The following SNX29 variants were observed in gnomAD, a reference collection of about 807,000 sequenced individuals.
SNX29 encodes the protein sorting nexin 29.
SNX29 carries 78 observed loss-of-function variants against 102.1 expected under a neutral mutation model. The ratio of observed to expected loss-of-function variants is 0.76; its 90% CI spans 0.64 to 0.92. The LOEUF is 0.92. SNX29 is among the 40% of genes least tolerant of loss of function. The pLI is 0.00. For missense variants in SNX29, 1,280 were observed against 1,061.7 expected, an observed-to-expected ratio of 1.21 and a Z score of -2.86; for synonymous variants, 580 against 414.5, an observed-to-expected ratio of 1.40 and a Z score of -4.85.
intron 13 of SNX29, among the ~76,000 whole-genome samples, chr16:12,173,332 G>A (rs2076191046): frequency 6.6e-6 from 1 of 152,230 alleles, no homozygotes; most frequent in African/African-American, 2.4e-5. Context: ...ACTTGACTCT[G>A]TTTTAGTTGG....
intron 19 of SNX29, among the ~76,000 whole-genome samples, chr16:12,490,397 C>G (rs1053169526): frequency 6.6e-6 from 1 of 152,202 alleles, no homozygotes; most frequent in Non-Finnish European, 1.5e-5. Context: ...ATTTTCATTG[C>G]TCTGTAATAG....
intron 18 of SNX29, among the ~76,000 whole-genome samples, chr16:12,458,043 G>A (rs2151741756): frequency 6.6e-6 from 1 of 152,162 alleles, no homozygotes; most frequent in East Asian, 1.9e-4. Context: ...TAAATTGGAT[G>A]CTTTTCAAAG....
intron 19 of SNX29, among the ~76,000 whole-genome samples, chr16:12,503,112 C>T (rs1330447048): frequency 1.3e-5 from 2 of 152,174 alleles, no homozygotes; most frequent in African/African-American, 2.4e-5. Context: ...CCACCACCCC[C>T]ACCCCCAGGG....
At chr16:12,446,284 G>T (rs558916486) in intron 18 of SNX29, among the ~76,000 whole-genome samples, 4 of 152,254 alleles carry the variant, frequency 2.6e-5, no homozygotes, top group Non-Finnish European at 1.5e-5. Flanking sequence ...TCGAACTCCT[G>T]ACCTCAAGTG....
At chr16:12,112,860 G>T (rs183009) in intron 11 of SNX29, among the ~76,000 whole-genome samples, 19,978 of 152,124 alleles carry the variant, frequency 0.13, 2,036 homozygotes, top group African/African-American at 0.29. Context: ...TCTTCCTGCC[G>T]GAGGAGGATG....
At chr16:12,309,650 A>AT (rs2080464706) in intron 15 of SNX29, among the ~76,000 whole-genome samples, 2 of 152,184 alleles carry the variant, frequency 1.3e-5, no homozygotes, top group African/African-American at 2.4e-5. Flanking sequence ...TGGTGAAGGA[A>AT]TGGGTGCCCA....
At chr16:12,195,982 T>G (rs973412806) in intron 13 of SNX29, among the ~76,000 whole-genome samples, 1 of 149,274 alleles carries the variant, frequency 6.7e-6, no homozygotes, top group African/African-American at 2.4e-5. Flanking sequence ...TCAGTTTCTT[T>G]TCCTTTTTTT....
At chr16:12,548,510 C>G (rs763622089) in intron 20 of SNX29, among the ~76,000 whole-genome samples, 3 of 152,188 alleles carry the variant, frequency 2.0e-5, no homozygotes, top group Non-Finnish European at 2.9e-5. Flanking sequence ...CTTGTCTGGA[C>G]CAGATGCTTT....
In SNX29 at chr16:12,560,168, CTTT is replaced by C. The variant is rs779079143; in HGVS notation, c.2319-8332_2319-8330del. On this transcript the variant is annotated intron_variant, in intron 20 of 20. Transcript: ENST00000566228. The stretch of plus-strand genomic sequence containing the variant: ...CCAACAAACAGTAAAGCCTTTCTCA[CTTT>C]TTTTTAATTCACCATTTAACTTGTG... Among the ~76,000 whole-genome samples, 1,297 of 140,990 alleles carry C rather than the reference CTTT, an allele frequency of 9.2e-3. 21 individuals carry two copies. The highest frequency in any genetic ancestry group is 0.034 in the African/African-American group (1,239 of 36,838). 92.5% of individuals were successfully genotyped at this position (140,990 alleles called of 152,430 possible). A position where few individuals can be genotyped will look rare whatever the true frequency, so the allele number is the denominator to read the frequency against.
chr16:12,424,495 AC>A (rs2084981582), intron 18 of SNX29, among the ~76,000 whole-genome samples: 1 of 152,160 alleles, frequency 6.6e-6, no homozygotes, highest in East Asian at 1.9e-4. Context: ...ATGGTAAGCA[AC>A]CTGCTTTGAG....
chr16:12,547,330 T>TA (rs772529621), intron 20 of SNX29, among the ~76,000 whole-genome samples: 1 of 152,180 alleles, frequency 6.6e-6, no homozygotes, highest in Non-Finnish European at 1.5e-5. Context: ...CAGAGAGGCC[T>TA]TGCAGCCAAG....
Position 12,444,852 on chromosome 16 carries a change from T to G in SNX29, c.2038-32867T>G, listed in dbSNP as rs529143470. Among the ~76,000 whole-genome samples, 17 of 150,352 alleles carry G rather than the reference T, an allele frequency of 1.1e-4. No homozygotes were observed. In the South Asian group the frequency reaches 2.4e-3, roughly 21 times the overall value. On this transcript the variant is annotated intron_variant, in intron 18 of 20. Coordinates refer to ENST00000566228, the MANE Select transcript of SNX29 (RefSeq NM_032167.5). ...ACAGTGTTTTTTTTTGTTTTTTTTTTTTTTTGAGACAGAGTCTCACTCTGA... is the reference window on the plus strand; with the variant it reads ...ACAGTGTTTTTTTTTGTTTTTTTTTGTTTTTGAGACAGAGTCTCACTCTGA...
intron 10 of SNX29, among the ~76,000 whole-genome samples, chr16:12,070,342 A>G (rs1374987133): frequency 9.9e-6 from 1 of 100,506 alleles, no homozygotes; most frequent in Non-Finnish European, 1.9e-5. Context: ...CCCACCCCAC[A>G]ACAGTCCCCA....
chr16:12,356,517 T>G (rs1276953346), intron 16 of SNX29, among the ~76,000 whole-genome samples: 1 of 152,240 alleles, frequency 6.6e-6, no homozygotes, highest in Non-Finnish European at 1.5e-5. Flanking sequence ...TAGTTAAAAT[T>G]GGCATATAGT....
rs572586178 is a variant in SNX29, at chr16:12,156,074, C to T, written c.1595+26316C>T. Among the ~76,000 whole-genome samples the T allele has an allele frequency of 2.6e-5, 4 of 152,244 alleles. No homozygotes were observed. In the East Asian group the frequency reaches 5.8e-4, roughly 22 times the overall value. ...GTTCCTTAACGTGCGTGGCGCACAC[C>T]CCCCCACATCTCCTTGAAGCCTTGG... On this transcript the variant is annotated intron_variant, in intron 13 of 20. Coordinates refer to ENST00000566228, the MANE Select transcript of SNX29 (RefSeq NM_032167.5).
intron 16 of SNX29, among the ~76,000 whole-genome samples, chr16:12,392,850 C>A (rs1261122045): frequency 6.6e-6 from 1 of 152,186 alleles, no homozygotes; most frequent in East Asian, 1.9e-4. Context: ...CCTGAAAGTG[C>A]TCCAGAACTG....
intron 16 of SNX29, among the ~76,000 whole-genome samples, chr16:12,389,698 G>A (rs953331193): frequency 1.3e-5 from 2 of 152,196 alleles, no homozygotes; most frequent in Non-Finnish European, 2.9e-5. Context: ...AACTCAGTAG[G>A]GGTAATGGGT....
intron 3 of SNX29, among the ~76,000 whole-genome samples, chr16:12,014,208 C>T (rs561596445): frequency 2.5e-4 from 38 of 152,200 alleles, no homozygotes; most frequent in Non-Finnish European, 4.4e-4. Context: ...TGTGATTTCT[C>T]GTGTCTCATT....
Position 12,568,688 on chromosome 16 carries a change from C to T in SNX29, c.*59C>T, listed in dbSNP as rs547422904. On this transcript the variant is annotated 3_prime_UTR_variant, in exon 21 of 21. Transcript: ENST00000566228. Reference sequence around the variant, plus strand: ...TGGCACCAGCTGCGTCCACCCCAGCCACTGCCGCTGGCCCCTCACCTCAGC... The same window carrying T: ...TGGCACCAGCTGCGTCCACCCCAGCTACTGCCGCTGGCCCCTCACCTCAGC... 887 of 1,581,848 alleles carry T rather than the reference C, an allele frequency of 5.6e-4. 16 individuals carry two copies. The South Asian group carries it at 9.4e-3, about 17-fold the overall frequency.
Sources: allele counts gnomAD v4.1 joint callset (sites outside exome capture counted in the v4.1 genomes callset), GRCh38; gene constraint gnomAD v4.1.1; transcripts MANE v1.5; gene names NCBI Gene and HGNC (gene_info 2026-07-23, HGNC 2026-07-21).